Variants in TRAPPC2 observed in about 807,000 individuals in gnomAD.
TRAPPC2 encodes the protein sedlin.
In TRAPPC2, 4 loss-of-function variants were observed where a neutral mutation model predicts 10.0. The observed-to-expected ratio is 0.40, with a 90% CI of 0.20 to 0.92. The LOEUF is 0.92. TRAPPC2 is among the 40% of genes least tolerant of loss of function. The pLI, the probability that TRAPPC2 is intolerant of heterozygous loss-of-function variation, is 0.35. For missense variants in TRAPPC2, 52 were observed against 108.7 expected (o/e 0.48, Z 2.32); for synonymous variants, 36 against 37.3 (o/e 0.97, Z 0.12).
intron 2 of TRAPPC2, among the ~76,000 whole-genome samples, chrX:13,727,395 C>T (rs2046577215): frequency 8.9e-6 from 1 of 112,560 alleles, no homozygotes; most frequent in Admixed American, 9.4e-5. Context: ...TCACAAAAAA[C>T]TGTCTCTCAG....
At chrX:13,717,167 G>A (rs1939364463) in intron 3 of TRAPPC2, among the ~76,000 whole-genome samples, 1 of 110,047 alleles carries the variant, frequency 9.1e-6, no homozygotes, top group African/African-American at 3.3e-5. Flanking sequence ...GTAAGCAGTA[G>A]AGACAGTTGA....
chrX:13,719,766 C>T, intron 3 of TRAPPC2, 105 bp downstream of exon 3: 1 of 633,287 alleles, frequency 1.6e-6, no homozygotes, highest in Non-Finnish European at 2.4e-6. Flanking sequence ...CTGAGCAAGC[C>T]TCATTTAATT....
At chrX:13,717,975 A>C (rs2046332630) in intron 3 of TRAPPC2, among the ~76,000 whole-genome samples, 1 of 111,913 alleles carries the variant, frequency 8.9e-6, no homozygotes. Flanking sequence ...ACACAGGGAG[A>C]AAAATGCCAC....
chrX:13,728,464 A>G (rs939539844), intron 2 of TRAPPC2, among the ~76,000 whole-genome samples: 11 of 112,087 alleles, frequency 9.8e-5, no homozygotes, highest in Non-Finnish European at 1.7e-4. Flanking sequence ...ATCGATAAAC[A>G]TAATCCATCA....
At chrX:13,716,510 C>G in intron 4 of TRAPPC2, 24 bp downstream of exon 4, 1 of 1,210,433 alleles carries the variant, frequency 8.3e-7, no homozygotes, top group East Asian at 3.0e-5. Context: ...TAGTTAGTTA[C>G]CTTTACTAAG....
At chrX:13,722,927 G>A (rs939084839) in intron 2 of TRAPPC2, among the ~76,000 whole-genome samples, 1 of 110,089 alleles carries the variant, frequency 9.1e-6, no homozygotes, top group South Asian at 3.9e-4. Flanking sequence ...GCCGAGTGTG[G>A]TGGTGGGCAC....
intron 2 of TRAPPC2, among the ~76,000 whole-genome samples, chrX:13,729,695 G>A (rs891003891): frequency 9.0e-6 from 1 of 111,541 alleles, no homozygotes; most frequent in African/African-American, 3.3e-5. Flanking sequence ...TATCACCTGA[G>A]GTAGGGAGTT....
chrX:13,721,498 A>T (rs1175655899), intron 2 of TRAPPC2: 1 of 112,113 alleles, frequency 8.9e-6, no homozygotes, highest in Non-Finnish European at 1.9e-5. Flanking sequence ...GAAATCAAGT[A>T]AACCGGGAGT....
chrX:13,731,494 GA>G (rs2046676211), intron 2 of TRAPPC2, among the ~76,000 whole-genome samples: 1 of 112,304 alleles, frequency 8.9e-6, no homozygotes, highest in African/African-American at 3.2e-5. Context: ...TAGGTAAACA[GA>G]AAGTCATTTT....
intron 2 of TRAPPC2, 93 bp downstream of exon 2, chrX:13,733,951 A>G: frequency 2.0e-6 from 1 of 506,930 alleles, no homozygotes; most frequent in Non-Finnish European, 3.5e-6. Context: ...GTTCTTGTTC[A>G]ATTCTCTGGC....
chrX:13,726,975 G>C (rs748696277), intron 2 of TRAPPC2, among the ~76,000 whole-genome samples: 1 of 111,713 alleles, frequency 9.0e-6, no homozygotes, highest in Non-Finnish European at 1.9e-5. Flanking sequence ...TGATAAAACA[G>C]ACTTTAAACC....
intron 2 of TRAPPC2, 143 bp from the exon 3 acceptor site, chrX:13,720,125 A>C: frequency 2.8e-6 from 1 of 363,412 alleles, no homozygotes; most frequent in Non-Finnish European, 4.6e-6. Flanking sequence ...TTTCCAGTAT[A>C]CTAGCGAAGA....
chrX:13,731,597 G>A (rs2046678756), intron 2 of TRAPPC2, among the ~76,000 whole-genome samples: 1 of 111,848 alleles, frequency 8.9e-6, no homozygotes, highest in Non-Finnish European at 1.9e-5. Context: ...CTCCATGAGA[G>A]CAGATACACC....
At chrX:13,729,243 A>G (rs1314735872) in intron 2 of TRAPPC2, among the ~76,000 whole-genome samples, 3 of 112,055 alleles carry the variant, frequency 2.7e-5, no homozygotes, top group Non-Finnish European at 5.6e-5. Context: ...AATTGAAAAA[A>G]ACTACTTTAA....
chrX:13,723,179 C>G (rs1467728892), intron 2 of TRAPPC2, among the ~76,000 whole-genome samples: 1 of 111,203 alleles, frequency 9.0e-6, no homozygotes, highest in African/African-American at 3.3e-5. Context: ...TGGCTAGTGG[C>G]CACAGTACTA....
intron 2 of TRAPPC2, among the ~76,000 whole-genome samples, chrX:13,733,580 T>A (rs868079127): frequency 9.0e-6 from 1 of 111,662 alleles, no homozygotes; most frequent in Non-Finnish European, 1.9e-5. Flanking sequence ...ATACTTTAAG[T>A]TTTTCACAGC....
At chrX:13,728,216 C>T (rs922045641) in intron 2 of TRAPPC2, among the ~76,000 whole-genome samples, 3 of 111,961 alleles carry the variant, frequency 2.7e-5, no homozygotes, top group East Asian at 5.5e-4. Context: ...TTCCAATCAA[C>T]AGAAAAAGAG....
At chrX:13,728,879 A>G (rs1421800494) in intron 2 of TRAPPC2, among the ~76,000 whole-genome samples, 1 of 112,333 alleles carries the variant, frequency 8.9e-6, no homozygotes, top group Non-Finnish European at 1.9e-5. Context: ...AATCTCCTTA[A>G]GCTGATAAGC....
intron 2 of TRAPPC2, among the ~76,000 whole-genome samples, chrX:13,724,928 C>T (rs1309831558): frequency 1.8e-5 from 2 of 113,441 alleles, no homozygotes; most frequent in Non-Finnish European, 3.7e-5. Flanking sequence ...GTCTTAGCAA[C>T]CGGCAGACAA....
Sources: gnomAD v4.1 joint callset for allele counts (sites outside exome capture counted in the v4.1 genomes callset) on GRCh38, gnomAD v4.1.1 for gene constraint, MANE v1.5 for transcripts, NCBI Gene and HGNC (gene_info 2026-07-23, HGNC 2026-07-21) for gene names.